The following STX1A variants were observed in gnomAD, a reference collection of about 807,000 sequenced individuals.
STX1A encodes the protein syntaxin-1A.
STX1A carries 4 observed loss-of-function variants against 37.8 expected under a neutral mutation model. The ratio of observed to expected loss-of-function variants is 0.11; its 90% CI spans 0.05 to 0.24. The LOEUF (loss-of-function observed/expected upper bound fraction) is 0.24, where lower values mean the gene tolerates loss of function less well. Ranked by LOEUF, STX1A falls within the 10% of genes least tolerant of loss-of-function variation. The pLI is 1.00. For missense variants in STX1A, 251 were observed against 399.9 expected (o/e 0.63, Z 3.18); for synonymous variants, 135 against 147.4 (o/e 0.92, Z 0.61).
Position 73,702,636 on chromosome 7 carries a change from G to T in STX1A, c.678+209C>A. 1 of 1,418,932 alleles carries T rather than the reference G, an allele frequency of 7.0e-7. No individual in the cohort carries two copies. Among genetic ancestry groups the T allele is most frequent in the South Asian group, 1.5e-5 (1 of 67,904 alleles). The allele number at this position is 1,418,932 out of a possible 1,614,324, so 87.9% of individuals were successfully genotyped here. ...AGAGGGTGGGGCCATGCAGGGCCTGGGGTCCTTGAAGCTCAAGCAGAGCCA... is the reference window on the plus strand; with the variant it reads ...AGAGGGTGGGGCCATGCAGGGCCTGTGGTCCTTGAAGCTCAAGCAGAGCCA... On this transcript the variant is annotated intron_variant, in intron 8 of 9. Transcript: ENST00000222812. This position sits in a 1 kb window ranked among gnomAD's most constrained non-coding sequence, Gnocchi z 4.7.
At position 73,709,784 on chromosome 7, in the gene STX1A, G is replaced by A. The variant is rs957836853; in HGVS notation, c.31-662C>T. Among the ~76,000 whole-genome samples, 2 of 152,336 alleles carry A rather than the reference G, an allele frequency of 1.3e-5. No individual in the cohort carries two copies. Among genetic ancestry groups the A allele is most frequent in the South Asian group, 4.1e-4 (2 of 4,830 alleles). On this transcript the variant is annotated intron_variant, in intron 1 of 9. Coordinates refer to ENST00000222812, the MANE Select transcript of STX1A (RefSeq NM_004603.4). The surrounding 1 kb of genome is among the most constrained non-coding windows in gnomAD (Gnocchi z 4.2). Reference sequence around the variant, plus strand: ...TTCCAGAGTGGGCCCTATAAGGGGAGACCTGCCTACTGTGTCCCAGCCCTG... The same window carrying A: ...TTCCAGAGTGGGCCCTATAAGGGGAAACCTGCCTACTGTGTCCCAGCCCTG...
At position 73,705,063 on chromosome 7, in the gene STX1A, C is replaced by G; in HGVS notation, c.283+87G>C. The G allele has an allele frequency of 7.7e-7, 1 of 1,303,046 alleles. No individual in the cohort carries two copies. Among genetic ancestry groups the G allele is most frequent in the South Asian group, 1.2e-5 (1 of 84,616 alleles). The allele number at this position is 1,303,046 out of a possible 1,614,324, so 80.7% of individuals were successfully genotyped here. ...AAAGGAAAGCAAGATCCGGCGCACCCCCTCAGGGCGAGCAAAACCCCATGG... is the reference window on the plus strand; with the variant it reads ...AAAGGAAAGCAAGATCCGGCGCACCGCCTCAGGGCGAGCAAAACCCCATGG... On this transcript the variant is annotated intron_variant, in intron 4 of 9. Coordinates refer to ENST00000222812, the MANE Select transcript of STX1A (RefSeq NM_004603.4). The surrounding 1 kb of genome is among the most constrained non-coding windows in gnomAD (Gnocchi z 5.2).
intron 1 of STX1A, among the ~76,000 whole-genome samples, chr7:73,718,749 T>G (rs1799382561): frequency 6.6e-6 from 1 of 152,058 alleles, no homozygotes; most frequent in Non-Finnish European, 1.5e-5. Context: ...TGCAGGGGTC[T>G]CTGGGCTGGG....
Position 73,705,316 on chromosome 7 carries a change from G to A in STX1A, c.209-92C>T. On this transcript the variant is annotated intron_variant, in intron 3 of 9. Coordinates refer to ENST00000222812, the MANE Select transcript of STX1A (RefSeq NM_004603.4). The surrounding 1 kb of genome is among the most constrained non-coding windows in gnomAD (Gnocchi z 5.2). ...CTCCAGCCCAGGGGGCCCAGTGGGAGGCTCTGGGAAGATCCCTGTTCTCCC... is the reference window on the plus strand; with the variant it reads ...CTCCAGCCCAGGGGGCCCAGTGGGAAGCTCTGGGAAGATCCCTGTTCTCCC... 2 of 1,069,350 alleles carry A rather than the reference G, an allele frequency of 1.9e-6. No homozygotes were observed. The highest frequency in any genetic ancestry group is 2.9e-6 in the Non-Finnish European group (2 of 693,290). The allele number at this position is 1,069,350 out of a possible 1,614,324, so 66.2% of individuals were successfully genotyped here.
chr7:73,704,910 C>CA, intron 4 of STX1A: 3 of 592,402 alleles, frequency 5.1e-6, no homozygotes, highest in Non-Finnish European at 9.1e-6. Context: ...GGGCAGTGCC[C>CA]ATCCAGAGTG....
At chr7:73,708,274 A>G (rs1488744790) in intron 3 of STX1A, among the ~76,000 whole-genome samples, 1 of 150,502 alleles carries the variant, frequency 6.6e-6, no homozygotes. Flanking sequence ...AAAAAAAAAA[A>G]AAAAAAAGAA....
Position 73,702,444 on chromosome 7 carries a change from C to T in STX1A, c.678+401G>A. The T allele has an allele frequency of 8.2e-6, 3 of 367,494 alleles. No individual in the cohort carries two copies. The highest frequency in any genetic ancestry group is 1.5e-5 in the Non-Finnish European group (3 of 206,494). 22.8% of individuals were successfully genotyped at this position (367,494 alleles called of 1,614,324 possible). A position where few individuals can be genotyped will look rare whatever the true frequency, so the allele number is the denominator to read the frequency against. On this transcript the variant is annotated intron_variant, in intron 8 of 9. Coordinates refer to ENST00000222812, the MANE Select transcript of STX1A (RefSeq NM_004603.4). This position sits in a 1 kb window ranked among gnomAD's most constrained non-coding sequence, Gnocchi z 4.7. Reference sequence around the variant, plus strand: ...TCAAGTTTGAGCCCCACTGGAGAACCTTCGATTTGTTCTTAGGCAACTCTT... The same window carrying T: ...TCAAGTTTGAGCCCCACTGGAGAACTTTCGATTTGTTCTTAGGCAACTCTT...
rs574062111 is a variant in STX1A, at chr7:73,702,682, G to C, written c.678+163C>G. On this transcript the variant is annotated intron_variant, in intron 8 of 9. Transcript: ENST00000222812. This position sits in a 1 kb window ranked among gnomAD's most constrained non-coding sequence, Gnocchi z 4.7. ...AGCCATGCAGAGGACAGGGACCTTC[G>C]GGTCGGCAGGGCCCTGGCGGCAGTT... 3.4e-6 allele frequency: 5 copies of C among 1,487,308 alleles called. No individual in the cohort carries two copies. Among genetic ancestry groups the C allele is most frequent in the African/African-American group, 1.4e-5 (1 of 71,990 alleles). The allele number at this position is 1,487,308 out of a possible 1,614,324, so 92.1% of individuals were successfully genotyped here.
rs200947866 is a variant in STX1A at position 73,704,442 on chromosome 7, G to C, written c.284-19C>G. On this transcript the variant is annotated intron_variant, in intron 4 of 9. Coordinates refer to ENST00000222812, the MANE Select transcript of STX1A (RefSeq NM_004603.4). The stretch of plus-strand genomic sequence containing the variant: ...TCGATGCCTGGGGGCACAGGTGGCT[G>C]CTAAGTCATAACCAGGCCCCTTCAA... The C allele has an allele frequency of 6.8e-5, 109 of 1,613,820 alleles. No homozygotes were observed. The highest frequency in any genetic ancestry group is 8.8e-5 in the Non-Finnish European group (104 of 1,179,972).
Position 73,706,266 on chromosome 7 carries a change from G to T in STX1A, c.209-1042C>A, listed in dbSNP as rs1261682432. 6.6e-6 allele frequency among the ~76,000 whole-genome samples: 1 copy of T among 152,152 alleles called. No individual in the cohort carries two copies. Among genetic ancestry groups the T allele is most frequent in the African/African-American group, 2.4e-5 (1 of 41,426 alleles). On this transcript the variant is annotated intron_variant, in intron 3 of 9. Coordinates refer to ENST00000222812, the MANE Select transcript of STX1A (RefSeq NM_004603.4). The surrounding 1 kb of genome is among the most constrained non-coding windows in gnomAD (Gnocchi z 4.6). Reference sequence around the variant, plus strand: ...AGTGAGGTGGAGCGGGGAAGGGGGGGTTCCGAGGCGCGGAGGAGGGCGCCT... The same window carrying T: ...AGTGAGGTGGAGCGGGGAAGGGGGGTTTCCGAGGCGCGGAGGAGGGCGCCT...
chr7:73,718,924 C>A (rs908912373), intron 1 of STX1A, among the ~76,000 whole-genome samples: 1 of 151,574 alleles, frequency 6.6e-6, no homozygotes, highest in Non-Finnish European at 1.5e-5. Context: ...TGCCCGAAAG[C>A]CCGAAGGTGG....
At position 73,702,603 on chromosome 7, in the gene STX1A, C is replaced by T. The variant is rs1038386686; in HGVS notation, c.678+242G>A. ...ACAGTAGTAGGGGAATGAGAGACGG[C>T]GGGGTATAGAGGGTGGGGCCATGCA... is the stretch of plus-strand genomic sequence containing the variant. On this transcript the variant is annotated intron_variant, in intron 8 of 9. Coordinates refer to ENST00000222812, the MANE Select transcript of STX1A (RefSeq NM_004603.4). The surrounding 1 kb of genome is among the most constrained non-coding windows in gnomAD (Gnocchi z 4.7). 3.6e-5 allele frequency: 44 copies of T among 1,229,910 alleles called. No homozygotes were observed. Among genetic ancestry groups the T allele is most frequent in the African/African-American group, 9.2e-5 (6 of 65,452 alleles). 76.2% of individuals were successfully genotyped at this position (1,229,910 alleles called of 1,614,324 possible).
At chr7:73,701,701 T>C (rs904657853) in intron 8 of STX1A, among the ~76,000 whole-genome samples, 5 of 152,122 alleles carry the variant, frequency 3.3e-5, no homozygotes, top group African/African-American at 9.7e-5. Flanking sequence ...GGCGTCCACG[T>C]CACCATGGTC....
chr7:73,708,816 G>A (rs1798985914), intron 2 of STX1A, 128 bp from the exon 3 acceptor site: 2 of 1,017,232 alleles, frequency 2.0e-6, no homozygotes, highest in East Asian at 2.6e-5. Context: ...CGGGTGCTGG[G>A]GTGCAGTGGG....
chr7:73,703,905 G>A (rs1322586791), intron 6 of STX1A, 77 bp from the exon 7 acceptor site: 9 of 1,471,900 alleles, frequency 6.1e-6, no homozygotes, highest in Non-Finnish European at 8.2e-6. Flanking sequence ...CGCCCCCTCC[G>A]TCCCAGGCCC....
intron 1 of STX1A, among the ~76,000 whole-genome samples, chr7:73,718,171 G>A (rs1287488201): frequency 6.6e-6 from 1 of 152,190 alleles, no homozygotes; most frequent in Non-Finnish European, 1.5e-5. Context: ...GGGCCGCGGG[G>A]GAAGTGTTTA....
In STX1A at chr7:73,702,659, C is replaced by T. The variant is rs1798702768; in HGVS notation, c.678+186G>A. On this transcript the variant is annotated intron_variant, in intron 8 of 9. Coordinates refer to ENST00000222812, the MANE Select transcript of STX1A (RefSeq NM_004603.4). The surrounding 1 kb of genome is among the most constrained non-coding windows in gnomAD (Gnocchi z 4.7). ...TGGGGTCCTTGAAGCTCAAGCAGAG[C>T]CATGCAGAGGACAGGGACCTTCGGG... 6.9e-7 allele frequency: 1 copy of T among 1,455,984 alleles called. No homozygotes were observed. Among genetic ancestry groups the T allele is most frequent in the Admixed American group, 2.5e-5 (1 of 39,626 alleles). The allele number at this position is 1,455,984 out of a possible 1,614,324, so 90.2% of individuals were successfully genotyped here. A position where few individuals can be genotyped will look rare whatever the true frequency, so the allele number is the denominator to read the frequency against.
intron 3 of STX1A, among the ~76,000 whole-genome samples, chr7:73,707,826 T>C (rs1236710315): frequency 1.3e-5 from 2 of 150,668 alleles, no homozygotes; most frequent in Non-Finnish European, 2.9e-5. Context: ...TCCCAGCTAC[T>C]TGGGAGGCTG....
intron 1 of STX1A, among the ~76,000 whole-genome samples, chr7:73,716,139 C>T (rs1222703940): frequency 3.3e-5 from 5 of 152,236 alleles, no homozygotes; most frequent in African/African-American, 1.2e-4. Flanking sequence ...CCACCTGCAC[C>T]CCAGATGAAA....
Sources: allele counts gnomAD v4.1 joint callset (sites outside exome capture counted in the v4.1 genomes callset), GRCh38; gene constraint gnomAD v4.1.1; non-coding constraint Gnocchi (gnomAD v3.1); transcripts MANE v1.5; gene names NCBI Gene and HGNC (gene_info 2026-07-23, HGNC 2026-07-21).